The following CHID1 variants were observed in gnomAD, a reference collection of about 807,000 sequenced individuals.
CHID1 encodes the protein chitinase domain-containing protein 1.
In CHID1, 44 loss-of-function variants were observed where a neutral mutation model predicts 55.4. The ratio of observed to expected loss-of-function variants is 0.79; its 90% CI spans 0.62 to 1.02. CHID1 has a LOEUF of 1.02. Ranked by LOEUF, CHID1 falls within the 50% of genes least tolerant of loss-of-function variation. The pLI, the probability that CHID1 is intolerant of heterozygous loss-of-function variation, is 0.00. For missense variants in CHID1, 491 were observed against 515.3 expected (o/e 0.95, Z 0.46); for synonymous variants, 216 against 212.9 (o/e 1.01, Z -0.13).
chr11:904,874 G>C lies in CHID1; in HGVS notation c.-43-15C>G, dbSNP rs1245228183. ...GGTCCAGAGGGCTGCAGGGAAAGCA[G>C]AGCACATTCAAACAACCGGCAGAGA... On this transcript the variant is annotated splice_polypyrimidine_tract_variant and intron_variant, in intron 1 of 12. Coordinates refer to ENST00000323578, the MANE Select transcript of CHID1 (RefSeq NM_023947.4). 5 of 1,611,232 alleles carry C rather than the reference G, an allele frequency of 3.1e-6. No individual in the cohort carries two copies. In the Admixed American group the frequency reaches 5.0e-5, roughly 16 times the overall value.
upstream of CHID1, among the ~76,000 whole-genome samples, chr11:911,944 A>C (rs997985518): frequency 6.6e-6 from 1 of 152,246 alleles, no homozygotes; most frequent in Admixed American, 6.5e-5. Flanking sequence ...CCCAATGCTA[A>C]GGAGGCCATG....
At chr11:883,022 A>T in intron 10 of CHID1, 126 bp downstream of exon 10, 1 of 1,081,896 alleles carries the variant, frequency 9.2e-7, no homozygotes, top group Non-Finnish European at 1.3e-6. Flanking sequence ...CCCAGCCCCT[A>T]TCTCTGACTC....
intron 10 of CHID1, among the ~76,000 whole-genome samples, chr11:871,907 C>T (rs1849199160): frequency 6.6e-6 from 1 of 152,216 alleles, no homozygotes; most frequent in Non-Finnish European, 1.5e-5. Flanking sequence ...TGCTGTTGTC[C>T]TGAGCAGGGC....
intron 8 of CHID1, among the ~76,000 whole-genome samples, chr11:893,014 G>C (rs1212867256): frequency 6.6e-6 from 1 of 152,256 alleles, no homozygotes; most frequent in Non-Finnish European, 1.5e-5. Flanking sequence ...GCCTCTGGAG[G>C]GAGAGGAGGC....
intron 8 of CHID1, among the ~76,000 whole-genome samples, chr11:888,208 G>A (rs1489223498): frequency 6.6e-6 from 1 of 152,232 alleles, no homozygotes; most frequent in African/African-American, 2.4e-5. Context: ...ACGCTTTCAA[G>A]GGTGGTAACA....
At chr11:909,608 C>T in intron 1 of CHID1, among the ~76,000 whole-genome samples, 1 of 152,228 alleles carries the variant, frequency 6.6e-6, no homozygotes, top group South Asian at 2.1e-4. Flanking sequence ...CATGTGTGCA[C>T]ATGTGTTGTG....
At chr11:908,851 C>T (rs577337504) in intron 1 of CHID1, among the ~76,000 whole-genome samples, 2 of 152,226 alleles carry the variant, frequency 1.3e-5, no homozygotes, top group Non-Finnish European at 2.9e-5. Context: ...CCTCCCTGCC[C>T]CCCAACCTGT....
intron 1 of CHID1, among the ~76,000 whole-genome samples, chr11:909,636 A>G (rs990472871): frequency 2.0e-5 from 3 of 152,262 alleles, no homozygotes; most frequent in Admixed American, 6.5e-5. Flanking sequence ...GTACATGTGT[A>G]GAGCGACAGC....
intron 8 of CHID1, among the ~76,000 whole-genome samples, chr11:892,686 CTG>C (rs1009950367): frequency 2.6e-5 from 4 of 152,250 alleles, no homozygotes; most frequent in African/African-American, 9.6e-5. Context: ...GGACATGCTG[CTG>C]TGTCTGTCCC....
At chr11:887,176 TG>T (rs2134204034) in intron 8 of CHID1, among the ~76,000 whole-genome samples, 1 of 152,208 alleles carries the variant, frequency 6.6e-6, no homozygotes, top group African/African-American at 2.4e-5. Context: ...GGACCACAGG[TG>T]CCACCATGTC....
intron 8 of CHID1, among the ~76,000 whole-genome samples, chr11:885,892 C>T (rs1850353501): frequency 6.6e-6 from 1 of 152,150 alleles, no homozygotes; most frequent in Non-Finnish European, 1.5e-5. Context: ...GTGGCTCACG[C>T]CTGTAATCCC....
chr11:899,137 C>T (rs1264521074), intron 7 of CHID1, among the ~76,000 whole-genome samples: 1 of 152,238 alleles, frequency 6.6e-6, no homozygotes, highest in East Asian at 1.9e-4. Context: ...GCTGCTTCCA[C>T]TTTTCTGTTC....
In CHID1 at chr11:869,166, C is replaced by T. The variant is rs929735871; in HGVS notation, c.*692G>A. On this transcript the variant is annotated 3_prime_UTR_variant, in exon 13 of 13. Transcript: ENST00000323578. Reference sequence around the variant, plus strand: ...TGGCCCACGGGTCCTGCCGTTGCCCCTCACCATGCTCCCTGATGTGTCCAG... The same window carrying T: ...TGGCCCACGGGTCCTGCCGTTGCCCTTCACCATGCTCCCTGATGTGTCCAG... The T allele has an allele frequency of 6.5e-6, 1 of 152,684 alleles. No individual in the cohort carries two copies. Among genetic ancestry groups the T allele is most frequent in the African/African-American group, 2.4e-5 (1 of 41,472 alleles). The allele number at this position is 152,684 out of a possible 1,614,324, so 9.5% of individuals were successfully genotyped here. A position where few individuals can be genotyped will look rare whatever the true frequency, so the allele number is the denominator to read the frequency against.
At chr11:903,540 G>A (rs1344761584) in intron 2 of CHID1, 2 of 214,718 alleles carry the variant, frequency 9.3e-6, no homozygotes, top group Non-Finnish European at 9.4e-6. Context: ...CAGAACTTTG[G>A]GAGGCCGAGG....
chr11:899,230 AC>A, intron 7 of CHID1, 109 bp downstream of exon 7: 1 of 1,051,496 alleles, frequency 9.5e-7, no homozygotes. Flanking sequence ...CACCCCAGGC[AC>A]AGGGACTGTG....
upstream of CHID1, among the ~76,000 whole-genome samples, chr11:913,368 A>G (rs1459664703): frequency 1.3e-5 from 2 of 152,198 alleles, no homozygotes; most frequent in Non-Finnish European, 2.9e-5. Flanking sequence ...CAGACAACCT[A>G]AAGCACGCAA....
chr11:884,769 C>A (rs1054717538), intron 8 of CHID1, among the ~76,000 whole-genome samples: 1 of 152,206 alleles, frequency 6.6e-6, no homozygotes, highest in Non-Finnish European at 1.5e-5. Flanking sequence ...GGCGCCAGGG[C>A]AGGTGGTCGG....
intron 10 of CHID1, among the ~76,000 whole-genome samples, chr11:879,533 C>G (rs1237748302): frequency 6.6e-6 from 1 of 152,250 alleles, no homozygotes; most frequent in Non-Finnish European, 1.5e-5. Context: ...AGGAGAGGCC[C>G]TGGGATCTAC....
chr11:897,360 A>C (rs1324152745), intron 7 of CHID1, among the ~76,000 whole-genome samples: 1 of 152,168 alleles, frequency 6.6e-6, no homozygotes, highest in Non-Finnish European at 1.5e-5. Context: ...AATGCTCTGA[A>C]ACGGAAATGA....
Sources: gnomAD v4.1 joint callset for allele counts (sites outside exome capture counted in the v4.1 genomes callset) on GRCh38, gnomAD v4.1.1 for gene constraint, MANE v1.5 for transcripts, NCBI Gene and HGNC (gene_info 2026-07-23, HGNC 2026-07-21) for gene names.